Variants in CACHD1 observed in about 807,000 individuals in gnomAD.
The protein encoded by CACHD1 is cache domain containing 1, also known as VWFA and cache domain-containing protein 1.
A neutral mutation model predicts 138.7 loss-of-function variants in CACHD1; 71 were observed. The observed-to-expected ratio is 0.51, with a 90% CI of 0.42 to 0.62. The LOEUF (loss-of-function observed/expected upper bound fraction) is 0.62. CACHD1 is among the 20% of genes least tolerant of loss of function. The pLI is 0.00. For missense variants in CACHD1, 1,389 were observed against 1,625.3 expected (o/e 0.85, Z 2.50); for synonymous variants, 578 against 591.5 (o/e 0.98, Z 0.33).
chr1:64,592,672 A>G (rs1208792092), intron 3 of CACHD1, among the ~76,000 whole-genome samples: 1 of 152,176 alleles, frequency 6.6e-6, no homozygotes, highest in Non-Finnish European at 1.5e-5. Flanking sequence ...TTGAAACACT[A>G]GGTCAGCTAC....
intron 2 of CACHD1, among the ~76,000 whole-genome samples, chr1:64,556,768 A>G (rs1278214707): frequency 1.3e-5 from 2 of 152,212 alleles, no homozygotes. Context: ...CACTATATGT[A>G]GTTTTGCTGC....
intron 7 of CACHD1, among the ~76,000 whole-genome samples, chr1:64,637,240 C>T (rs139158411): frequency 6.6e-6 from 1 of 152,276 alleles, no homozygotes; most frequent in Non-Finnish European, 1.5e-5. Context: ...GTTGCAAACT[C>T]AGATGTCCAC....
In CACHD1 at chr1:64,634,032, T is replaced by TC. The variant is rs1557529982; in HGVS notation, c.790-11dup. 10 of 1,572,030 alleles carry TC rather than the reference T, an allele frequency of 6.4e-6. No homozygotes were observed. Among genetic ancestry groups the TC allele is most frequent in the Non-Finnish European group, 7.8e-6 (9 of 1,160,124 alleles). On this transcript the variant is annotated splice_polypyrimidine_tract_variant and intron_variant, in intron 6 of 26. Transcript: ENST00000651257. Reference sequence around the variant, plus strand: ...CAAGTTTGGTGGTTTTTTTTTTTTTTCTTTCCTGCAGATTTCTGTGTTAAC... The same window carrying TC: ...CAAGTTTGGTGGTTTTTTTTTTTTTTCCTTTCCTGCAGATTTCTGTGTTAAC...
intron 3 of CACHD1, among the ~76,000 whole-genome samples, chr1:64,589,387 C>T (rs145918649): frequency 6.6e-6 from 1 of 152,254 alleles, no homozygotes; most frequent in Non-Finnish European, 1.5e-5. Flanking sequence ...TACAAGAACA[C>T]AGGCTCCTGA....
chr1:64,547,419 G>A (rs966315918), intron 1 of CACHD1, among the ~76,000 whole-genome samples: 1 of 152,158 alleles, frequency 6.6e-6, no homozygotes, highest in Non-Finnish European at 1.5e-5. Context: ...AAGCTGGAGT[G>A]CAATGGTGCT....
chr1:64,664,650 C>G lies in CACHD1; in HGVS notation c.2247C>G (p.Asp749Glu). The change falls in exon 15 of 27, where the codon GAC (aspartate) becomes GAG (glutamate). Residue 749 changes from aspartate (D) to glutamate (E), a missense_variant. This residue lies in a region of CACHD1 where 1,000 missense variants were observed against 1,114.7 expected (regional missense o/e 0.90). Transcript: ENST00000651257. ...VLRIYPGSLM[D>E]KAFDPTRRQW... ...GAATTTATCCTGGTTCCCTCATGGA[C>G]AAAGCATTTGATCCCACTAGGAGAC... is the stretch of plus-strand genomic sequence containing the variant. 1 of 1,614,148 alleles carries G rather than the reference C, an allele frequency of 6.2e-7. No individual in the cohort carries two copies. The highest frequency in any genetic ancestry group is 8.5e-7 in the Non-Finnish European group (1 of 1,180,004).
intron 2 of CACHD1, among the ~76,000 whole-genome samples, chr1:64,573,526 T>C (rs1420818429): frequency 1.3e-5 from 2 of 152,228 alleles, no homozygotes; most frequent in African/African-American, 2.4e-5. Context: ...CAGATCAAGA[T>C]AGGGAACTGG....
At chr1:64,509,574 A>G (rs905281047) in intron 1 of CACHD1, among the ~76,000 whole-genome samples, 1 of 152,230 alleles carries the variant, frequency 6.6e-6, no homozygotes, top group African/African-American at 2.4e-5. Flanking sequence ...TAATTTTATA[A>G]GTCTTTATTT....
At chr1:64,666,244 C>G in intron 16 of CACHD1, 77 bp downstream of exon 16, 1 of 858,002 alleles carries the variant, frequency 1.2e-6, no homozygotes, top group African/African-American at 1.7e-5. Flanking sequence ...GAAGAGTACG[C>G]GCACCAAGGC....
intron 1 of CACHD1, among the ~76,000 whole-genome samples, chr1:64,505,518 A>G (rs903373684): frequency 9.9e-5 from 15 of 151,370 alleles, no homozygotes; most frequent in African/African-American, 3.6e-4. Context: ...TGTAGCCAGA[A>G]GGGACCTCCC....
At chr1:64,542,399 T>A (rs1182645051) in intron 1 of CACHD1, among the ~76,000 whole-genome samples, 1 of 152,164 alleles carries the variant, frequency 6.6e-6, no homozygotes, top group African/African-American at 2.4e-5. Context: ...CAAACTGGAA[T>A]AGCCCTGGTT....
chr1:64,568,489 A>AT (rs1414078712), intron 2 of CACHD1, among the ~76,000 whole-genome samples: 1 of 152,172 alleles, frequency 6.6e-6, no homozygotes, highest in Non-Finnish European at 1.5e-5. Flanking sequence ...CTAGGAAAAA[A>AT]CGAGATGGGC....
chr1:64,601,006 C>G (rs1448115712), intron 3 of CACHD1, among the ~76,000 whole-genome samples: 1 of 152,220 alleles, frequency 6.6e-6, no homozygotes, highest in Non-Finnish European at 1.5e-5. Context: ...ACATGTTGGA[C>G]AGTGCAAATA....
chr1:64,638,485 C>G (rs1360905105), intron 7 of CACHD1, among the ~76,000 whole-genome samples: 1 of 152,150 alleles, frequency 6.6e-6, no homozygotes, highest in Non-Finnish European at 1.5e-5. Flanking sequence ...CCAATTCTGA[C>G]CCTTTTTTCA....
chr1:64,472,643 A>G (rs1258033026), intron 1 of CACHD1, among the ~76,000 whole-genome samples: 1 of 152,202 alleles, frequency 6.6e-6, no homozygotes, highest in African/African-American at 2.4e-5. Context: ...TTAGGAGTGA[A>G]GTGACTTTTA....
At position 64,691,547 on chromosome 1, in the gene CACHD1, G is replaced by A. The variant is rs1489817687; in HGVS notation, c.3811G>A (p.Asp1271Asn). 9 of 1,613,388 alleles carry A rather than the reference G, an allele frequency of 5.6e-6. No individual in the cohort carries two copies. The East Asian group carries it at 1.1e-4, about 20-fold the overall frequency. ...GGCGGCCGTCACGGTACACACTGTC[G>A]ATGCAGAATGCTAACAATCTCCTCA... is the stretch of plus-strand genomic sequence containing the variant. Reference protein sequence around the residue: ...LQAAVTVHTVDAEC With the variant: ...LQAAVTVHTVNAEC The change falls in exon 27 of 27, where the codon GAT becomes AAT. Residue 1271 changes from aspartate to asparagine, a missense_variant. This residue lies in a region of CACHD1 where 78 missense variants were observed against 76.9 expected (regional missense o/e 1.01). Coordinates refer to ENST00000651257, the MANE Select transcript of CACHD1 (RefSeq NM_020925.4).
Position 64,509,573 on chromosome 1 carries a change from A to G in CACHD1, c.198+38631A>G, listed in dbSNP as rs1570316086. 2.0e-5 allele frequency among the ~76,000 whole-genome samples: 3 copies of G among 152,336 alleles called. 1 individual carries two copies. In the South Asian group the frequency reaches 6.2e-4, roughly 32 times the overall value. ...CACTCAAGTTATTCAGTAATTTTAT[A>G]AGTCTTTATTTTTCTTTGACCATGA... On this transcript the variant is annotated intron_variant, in intron 1 of 26. Coordinates refer to ENST00000651257, the MANE Select transcript of CACHD1 (RefSeq NM_020925.4).
intron 2 of CACHD1, among the ~76,000 whole-genome samples, chr1:64,558,630 A>G (rs1382768909): frequency 6.6e-6 from 1 of 152,198 alleles, no homozygotes; most frequent in Non-Finnish European, 1.5e-5. Flanking sequence ...ATTTCAACAA[A>G]AGCAAAAATT....
intron 16 of CACHD1, among the ~76,000 whole-genome samples, chr1:64,667,743 T>G (rs896180078): frequency 2.0e-5 from 3 of 152,178 alleles, no homozygotes; most frequent in Non-Finnish European, 2.9e-5. Context: ...AAAGATGTTG[T>G]TATAGTGCAG....
Sources: gnomAD v4.1 joint callset for allele counts (sites outside exome capture counted in the v4.1 genomes callset) on GRCh38, gnomAD v4.1.1 for gene constraint, gnomAD v4.1.1 regional missense constraint, MANE v1.5 for transcripts, NCBI Gene and HGNC (gene_info 2026-07-23, HGNC 2026-07-21) for gene names.